SETX: variants seen among roughly 807,000 people sequenced by gnomAD.
SETX encodes senataxin, also known as helicase senataxin.
Under a neutral mutation model 227.2 loss-of-function variants are expected in SETX, and 90 were observed. That is an observed-to-expected ratio of 0.40 (90% confidence interval 0.33 to 0.47). The LOEUF is 0.47. Among genes scored for constraint, SETX ranks in the 20% least tolerant of loss-of-function variants. SETX has a pLI of 0.91. For synonymous variants in SETX, 1,210 were observed against 1,113.2 expected (o/e 1.09, Z -1.73); for missense variants, 3,052 against 3,181.5 (o/e 0.96, Z 0.98).
intron 4 of SETX, among the ~76,000 whole-genome samples, chr9:132,345,788 G>A (rs112885244): frequency 7.9e-5 from 12 of 152,302 alleles, no homozygotes; most frequent in African/African-American, 2.9e-4. Context: ...AAGCTGAGGT[G>A]GGAGGACTGC....
At chr9:132,313,727 A>G (rs1487889420) in intron 10 of SETX, among the ~76,000 whole-genome samples, 1 of 152,148 alleles carries the variant, frequency 6.6e-6, no homozygotes, top group East Asian at 1.9e-4. Flanking sequence ...GTGGTCCATC[A>G]GAGCATTATC....
intron 25 of SETX, among the ~76,000 whole-genome samples, chr9:132,266,961 T>C (rs1842680425): frequency 6.6e-6 from 1 of 152,216 alleles, no homozygotes; most frequent in Non-Finnish European, 1.5e-5. Flanking sequence ...GTGAAATATT[T>C]TTAGGAATAT....
At position 132,335,216 on chromosome 9, in the gene SETX, C is replaced by T. The variant is rs55892405; in HGVS notation, c.719-489G>A. 6.9e-3 allele frequency among the ~76,000 whole-genome samples: 1,044 copies of T among 151,464 alleles called. 6 individuals carry two copies. The highest frequency in any genetic ancestry group is 9.9e-3 in the Non-Finnish European group (672 of 67,892). ...CCATCCTGGCTAACATGGTGAAACC[C>T]CGTCTCTACTAAAAATACAAAAAAA... On this transcript the variant is annotated intron_variant, in intron 6 of 25. Coordinates refer to ENST00000224140, the MANE Select transcript of SETX (RefSeq NM_015046.7).
In SETX at chr9:132,329,387, G is replaced by T. The variant is rs1238032284; in HGVS notation, c.2211C>A (p.Asp737Glu). 1.2e-5 allele frequency: 20 copies of T among 1,613,888 alleles called. No individual in the cohort carries two copies. The highest frequency in any genetic ancestry group is 1.6e-5 in the Non-Finnish European group (19 of 1,179,962). Residue 737 changes from aspartate (D) to glutamate (E), a missense_variant, in exon 10 of 26, where the codon GAC becomes GAA. Transcript: ENST00000224140. ...AACGTGTTGATACTATTATTCCTCTGTCACATCCCCTTTCTGGACCATTTC... is the reference window on the plus strand; with the variant it reads ...AACGTGTTGATACTATTATTCCTCTTTCACATCCCCTTTCTGGACCATTTC... Reference protein sequence around the residue: ...TSRNGPERGCDRGIIVSTRLL... With the variant: ...TSRNGPERGCERGIIVSTRLL...
intron 23 of SETX, among the ~76,000 whole-genome samples, chr9:132,274,576 G>A (rs1051299334): frequency 9.2e-5 from 14 of 151,934 alleles, no homozygotes; most frequent in African/African-American, 3.1e-4. Flanking sequence ...CGAGTAGCAG[G>A]GACTACGGGA....
In SETX at chr9:132,328,755, G is replaced by C; in HGVS notation, c.2843C>G (p.Pro948Arg). 1 of 1,612,314 alleles carries C rather than the reference G, an allele frequency of 6.2e-7. No individual in the cohort carries two copies. Among genetic ancestry groups the C allele is most frequent in the Non-Finnish European group, 8.5e-7 (1 of 1,179,358 alleles). The change falls in exon 10 of 26, where the codon CCT becomes CGT. Residue 948 changes from proline to arginine, a missense_variant. Physicochemically the swap from Pro to Arg is moderately radical, Grantham distance 103 (BLOSUM62 -2). Around this residue, in one of 10 missense-constraint regions of SETX, gnomAD observed 1,483 missense variants for 1,312.0 expected, o/e 1.13. Coordinates refer to ENST00000224140, the MANE Select transcript of SETX (RefSeq NM_015046.7). ...LTREQAPDIS[P>R]KSDTLTDSQI... ...AGAATCCGTTAAGGTGTCAGATTTA[G>C]GACTGATGTCAGGGGCCTGTTCTCT...
chr9:132,300,921 C>T (rs1844957570), intron 11 of SETX, 118 bp from the exon 12 acceptor site: 3 of 804,730 alleles, frequency 3.7e-6, no homozygotes, highest in African/African-American at 3.5e-5. Context: ...CACTAAAGGA[C>T]TCTGCATATA....
intron 12 of SETX, among the ~76,000 whole-genome samples, 159 bp downstream of exon 12, chr9:132,300,471 A>G (rs1488850072): frequency 6.6e-6 from 1 of 152,230 alleles, no homozygotes; most frequent in African/African-American, 2.4e-5. Flanking sequence ...TTAAGTCTAG[A>G]AAAACTAGAA....
At chr9:132,274,466 T>C (rs1843056535) in intron 23 of SETX, among the ~76,000 whole-genome samples, 2 of 147,860 alleles carry the variant, frequency 1.4e-5, no homozygotes, top group Non-Finnish European at 3.0e-5. Context: ...TGAGATGGAG[T>C]CTCGCTCTGT....
chr9:132,277,838 A>C lies in SETX; in HGVS notation c.6842+232T>G, dbSNP rs1039199070. On this transcript the variant is annotated intron_variant, in intron 21 of 25. Coordinates refer to ENST00000224140, the MANE Select transcript of SETX (RefSeq NM_015046.7). ...GGACTGCTGAAAGTGGATATACCAA[A>C]ATGTTACCAGTGATTATTTCTGGGT... Among the ~76,000 whole-genome samples the C allele has an allele frequency of 9.9e-5, 15 of 151,426 alleles. 1 individual carries two copies. The highest frequency in any genetic ancestry group is 8.3e-4 in the South Asian group (4 of 4,792).
chr9:132,351,616 GTTC>G (rs898604122), intron 2 of SETX, among the ~76,000 whole-genome samples: 7 of 152,252 alleles, frequency 4.6e-5, no homozygotes, highest in African/African-American at 1.7e-4. Context: ...TGCTTCCATG[GTTC>G]TTCTTCAAAA....
upstream of SETX, chr9:132,355,035 C>T (rs1848838569): frequency 6.6e-6 from 1 of 152,316 alleles, no homozygotes; most frequent in African/African-American, 2.4e-5. Flanking sequence ...CGAGGTAGGC[C>T]CCGCCCCCGC....
At chr9:132,310,023 C>CA (rs1350827673) in intron 11 of SETX, among the ~76,000 whole-genome samples, 1 of 151,966 alleles carries the variant, frequency 6.6e-6, no homozygotes, top group African/African-American at 2.4e-5. Context: ...GTATGTAAGT[C>CA]AAAGTGAGGA....
rs906452681 is a variant in SETX at position 132,329,173 on chromosome 9, T to C, written c.2425A>G (p.Ile809Val). 1.9e-5 allele frequency: 30 copies of C among 1,612,818 alleles called. No individual in the cohort carries two copies. Among genetic ancestry groups the C allele is most frequent in the Non-Finnish European group, 1.2e-5 (14 of 1,179,750 alleles). Residue 809 changes from isoleucine to valine, a missense_variant, in exon 10 of 26, where the codon ATC becomes GTC. This residue lies in a region of SETX where 1,483 missense variants were observed against 1,312.0 expected (regional missense o/e 1.13). Coordinates refer to ENST00000224140, the MANE Select transcript of SETX (RefSeq NM_015046.7). ...HRKSTLVDNTINLDENLTVSN... is the reference protein window; with the variant it reads ...HRKSTLVDNTVNLDENLTVSN... ...ACAGTCAAATTTTCATCTAAATTGA[T>C]AGTATTATCGACCAAAGTACTCTTC... is the stretch of plus-strand genomic sequence containing the variant.
chr9:132,274,565 C>T (rs1843062537), intron 23 of SETX, among the ~76,000 whole-genome samples: 1 of 151,768 alleles, frequency 6.6e-6, no homozygotes, highest in Non-Finnish European at 1.5e-5. Context: ...CCTCAGCCTT[C>T]CGAGTAGCAG....
chr9:132,331,822 C>T (rs1485123866), intron 7 of SETX, among the ~76,000 whole-genome samples: 1 of 152,138 alleles, frequency 6.6e-6, no homozygotes, highest in Non-Finnish European at 1.5e-5. Flanking sequence ...TTTGTAGTCC[C>T]ATCCTCCAAT....
At chr9:132,321,851 AAAAAAGAAAAAG>A (rs895110559) in intron 10 of SETX, among the ~76,000 whole-genome samples, 7 of 152,218 alleles carry the variant, frequency 4.6e-5, no homozygotes, top group South Asian at 4.1e-4. Flanking sequence ...CCGTCTGAAG[AAAAAAGAAAAAG>A]AAAAAGAAAA....
rs960076085 is a variant in SETX, at chr9:132,342,773, G to A, written c.415C>T (p.Arg139Trp). The A allele has an allele frequency of 1.9e-6, 3 of 1,613,692 alleles. No homozygotes were observed. Among genetic ancestry groups the A allele is most frequent in the Non-Finnish European group, 2.5e-6 (3 of 1,179,820 alleles). The change falls in exon 5 of 26, where the codon CGG (arginine) becomes TGG (tryptophan). Residue 139 changes from arginine (R) to tryptophan (W), a missense_variant. Transcript: ENST00000224140. ...VNELCVEALCRMEQANCSFQV... is the reference protein window; with the variant it reads ...VNELCVEALCWMEQANCSFQV... ...AAGGAGCAATTGGCTTGTTCCATCC[G>A]ACAAAGTGCTTCAACACATAACTCG...
chr9:132,292,926 C>T (rs575846074), intron 15 of SETX, among the ~76,000 whole-genome samples: 2 of 152,132 alleles, frequency 1.3e-5, no homozygotes, highest in African/African-American at 2.4e-5. Context: ...CGTCAGCCAC[C>T]GCACCTGGCC....
Sources: allele counts gnomAD v4.1 joint callset (sites outside exome capture counted in the v4.1 genomes callset), GRCh38; gene constraint gnomAD v4.1.1; regional missense constraint gnomAD v4.1.1; transcripts MANE v1.5; gene names NCBI Gene and HGNC (gene_info 2026-07-23, HGNC 2026-07-21).